The following GLRA1 variants were observed in gnomAD, a reference collection of about 807,000 sequenced individuals.
GLRA1 encodes glycine receptor subunit alpha-1.
Under a neutral mutation model 48.3 loss-of-function variants are expected in GLRA1, and 37 were observed. The observed-to-expected ratio is 0.77, with a 90% CI of 0.59 to 1.01. The LOEUF (loss-of-function observed/expected upper bound fraction) is 1.01, where lower values mean the gene tolerates loss of function less well. GLRA1 is among the 50% of genes least tolerant of loss of function. GLRA1 has a pLI of 0.00. For synonymous variants in GLRA1, 196 were observed against 210.7 expected, an observed-to-expected ratio of 0.93 and a Z score of 0.60; for missense variants, 427 against 571.0, an observed-to-expected ratio of 0.75 and a Z score of 2.57.
At chr5:151,848,791 G>A (rs911370317) in intron 7 of GLRA1, 5 of 375,518 alleles carry the variant, frequency 1.3e-5, no homozygotes, top group African/African-American at 8.3e-5. Flanking sequence ...TGAGCAGCAC[G>A]GCGGTCTCCT....
At chr5:151,902,979 T>G (rs1315373613) in intron 1 of GLRA1, among the ~76,000 whole-genome samples, 1 of 152,166 alleles carries the variant, frequency 6.6e-6, no homozygotes, top group African/African-American at 2.4e-5. Context: ...GAGGAAAACT[T>G]ATGTGAGAAC....
At chr5:151,920,228 G>T (rs79519696) in intron 1 of GLRA1, among the ~76,000 whole-genome samples, 2,473 of 152,296 alleles carry the variant, frequency 0.016, 88 homozygotes, top group African/African-American at 0.057. Context: ...CTTATTAGGG[G>T]TTGGAGAGAA....
chr5:151,886,702 T>C lies in GLRA1; in HGVS notation c.252+19A>G. On this transcript the variant is annotated intron_variant, in intron 3 of 8. Transcript: ENST00000274576. The stretch of plus-strand genomic sequence containing the variant: ...ATATCTCCAGCAGGAACTAACAGCT[T>C]GTGTTTTGACTTACTCACCATGGTT... The C allele has an allele frequency of 6.4e-7, 1 of 1,553,000 alleles. No individual in the cohort carries two copies.
At chr5:151,924,359 G>A in intron 1 of GLRA1, 135 bp downstream of exon 1, 1 of 727,180 alleles carries the variant, frequency 1.4e-6, no homozygotes, top group Non-Finnish European at 2.5e-6. Context: ...AGGGAGACGG[G>A]GGATGGAAGG....
intron 1 of GLRA1, among the ~76,000 whole-genome samples, chr5:151,920,706 C>T (rs1754854267): frequency 1.3e-5 from 2 of 151,976 alleles, no homozygotes; most frequent in Non-Finnish European, 2.9e-5. Context: ...TAATTTGATG[C>T]TAATACAAAC....
chr5:151,860,363 T>C (rs1394314642), intron 3 of GLRA1, among the ~76,000 whole-genome samples: 1 of 152,214 alleles, frequency 6.6e-6, no homozygotes, highest in African/African-American at 2.4e-5. Context: ...GCTTCATTTT[T>C]TTTAAATAAG....
intron 7 of GLRA1, among the ~76,000 whole-genome samples, chr5:151,845,728 G>T (rs1170850487): frequency 1.3e-5 from 2 of 152,102 alleles, no homozygotes; most frequent in African/African-American, 4.8e-5. Flanking sequence ...ATACCTTTGA[G>T]AATTAAAAAC....
chr5:151,844,581 C>T (rs1752613410), intron 7 of GLRA1, among the ~76,000 whole-genome samples: 1 of 134,540 alleles, frequency 7.4e-6, no homozygotes, highest in Admixed American at 8.1e-5. Context: ...GAGATTGTGC[C>T]ACTGCACTCC....
intron 3 of GLRA1, among the ~76,000 whole-genome samples, chr5:151,860,357 C>T (rs566323629): frequency 6.6e-6 from 1 of 152,204 alleles, no homozygotes; most frequent in South Asian, 2.1e-4. Context: ...ATGTTTGCTT[C>T]ATTTTTTTTA....
At chr5:151,883,196 C>T (rs113100193) in intron 3 of GLRA1, among the ~76,000 whole-genome samples, 210 of 152,232 alleles carry the variant, frequency 1.4e-3, no homozygotes, top group African/African-American at 4.3e-3. Context: ...CATTTCCTGT[C>T]GGAAGATTAT....
At position 151,851,433 on chromosome 5, in the gene GLRA1, G is replaced by A. The variant is rs1064795411; in HGVS notation, c.869C>T (p.Thr290Ile). 2 of 1,614,010 alleles carry A rather than the reference G, an allele frequency of 1.2e-6. No individual in the cohort carries two copies. The highest frequency in any genetic ancestry group is 1.1e-5 in the South Asian group (1 of 91,070). The change falls in exon 7 of 9, where the codon ACC becomes ATC. Residue 290 changes from threonine to isoleucine, a missense_variant. Physicochemically the swap from Thr to Ile is moderately conservative, Grantham distance 89 (BLOSUM62 -1). Around this residue, in one of 4 missense-constraint regions of GLRA1, gnomAD observed 271 missense variants for 434.9 expected, o/e 0.62. Coordinates refer to ENST00000274576, the MANE Select transcript of GLRA1 (RefSeq NM_000171.4). ...RVGLGITTVL[T>I]MTTQSSGSRA... ...AGAGCCGGAGCTCTGGGTGGTCATG[G>A]TGAGCACAGTGGTGATGCCTAGGCC...
At chr5:151,872,323 A>G (rs1234276322) in intron 3 of GLRA1, among the ~76,000 whole-genome samples, 1 of 148,684 alleles carries the variant, frequency 6.7e-6, no homozygotes, top group East Asian at 1.9e-4. Flanking sequence ...CAGATTCACT[A>G]GGAATCTGAA....
chr5:151,845,433 A>G (rs2113326221), intron 7 of GLRA1, among the ~76,000 whole-genome samples: 1 of 152,378 alleles, frequency 6.6e-6, no homozygotes, highest in African/African-American at 2.4e-5. Context: ...CAGACATTTC[A>G]CCAAAGAAGA....
chr5:151,888,334 G>A (rs1275548972), intron 2 of GLRA1, among the ~76,000 whole-genome samples: 3 of 152,300 alleles, frequency 2.0e-5, no homozygotes, highest in East Asian at 1.9e-4. Flanking sequence ...GGATTATCAG[G>A]ATTTCTGGGT....
At chr5:151,920,490 A>G (rs984608937) in intron 1 of GLRA1, among the ~76,000 whole-genome samples, 4 of 152,206 alleles carry the variant, frequency 2.6e-5, no homozygotes, top group African/African-American at 9.7e-5. Context: ...GCAAATATGC[A>G]GAAGTCATGT....
At chr5:151,890,340 A>G (rs929602993) in intron 2 of GLRA1, among the ~76,000 whole-genome samples, 1 of 152,218 alleles carries the variant, frequency 6.6e-6, no homozygotes, top group African/African-American at 2.4e-5. Context: ...GGATGCACCC[A>G]CATTCAACAA....
At chr5:151,843,835 T>C (rs562843747) in intron 7 of GLRA1, among the ~76,000 whole-genome samples, 3 of 152,240 alleles carry the variant, frequency 2.0e-5, no homozygotes, top group African/African-American at 4.8e-5. Context: ...AATACTCTTC[T>C]CAACAAATGG....
At chr5:151,824,909 C>CA (rs1763233463) in intron 8 of GLRA1, among the ~76,000 whole-genome samples, 1 of 152,164 alleles carries the variant, frequency 6.6e-6, no homozygotes, top group South Asian at 2.1e-4. Context: ...GTTTGTTGAA[C>CA]AAATGTTTAC....
At chr5:151,891,730 C>T (rs1374533320) in intron 2 of GLRA1, among the ~76,000 whole-genome samples, 3 of 152,134 alleles carry the variant, frequency 2.0e-5, no homozygotes, top group African/African-American at 7.2e-5. Context: ...TATTTGTTAG[C>T]CCGTGGGAAA....
Sources: allele counts gnomAD v4.1 joint callset (sites outside exome capture counted in the v4.1 genomes callset), GRCh38; gene constraint gnomAD v4.1.1; regional missense constraint gnomAD v4.1.1; transcripts MANE v1.5; gene names NCBI Gene and HGNC (gene_info 2026-07-23, HGNC 2026-07-21).